DLX1: variants seen among roughly 807,000 people sequenced by gnomAD.
The protein encoded by DLX1 is homeobox protein DLX-1.
A neutral mutation model predicts 25.0 loss-of-function variants in DLX1; 7 were observed. The observed-to-expected ratio is 0.28, with a 90% CI of 0.16 to 0.52. The LOEUF (loss-of-function observed/expected upper bound fraction) is 0.52. DLX1 is among the 20% of genes least tolerant of loss of function. The probability of loss-of-function intolerance (pLI) is 0.96; values close to 1 mark genes in which losing one functional copy is unlikely to be tolerated. For missense variants in DLX1, 233 were observed against 334.4 expected (o/e 0.70, Z 2.37); for synonymous variants, 155 against 140.3 (o/e 1.10, Z -0.74).
In DLX1 at chr2:172,087,872, G is replaced by T. The variant is rs992000685; in HGVS notation, c.514-131G>T. ...AAGGAGGGATGTCTCTGCTTCTCTG[G>T]CAGGGAGCTGCCAGCTGGCGCAGGG... On this transcript the variant is annotated intron_variant, in intron 2 of 2. Coordinates refer to ENST00000361725, the MANE Select transcript of DLX1 (RefSeq NM_178120.5). 8 of 1,308,832 alleles carry T rather than the reference G, an allele frequency of 6.1e-6. No homozygotes were observed. In the African/African-American group the frequency reaches 1.2e-4, roughly 19 times the overall value. The allele number at this position is 1,308,832 out of a possible 1,614,324, so 81.1% of individuals were successfully genotyped here.
chr2:172,088,128 G>A lies in DLX1; in HGVS notation c.639G>A (p.Pro213=). 1 of 1,609,010 alleles carries A rather than the reference G, an allele frequency of 6.2e-7. No homozygotes were observed. ...RALSAGSPPV[P]PGWNPNSSSG... ...TGTCTGCTGGCTCCCCACCCGTGCC[G>A]CCCGGCTGGAACCCTAACTCTTCAT... The change falls in exon 3 of 3, where the codon CCG becomes CCA. Residue 213 remains proline, a synonymous_variant. Transcript: ENST00000361725.
intron 1 of DLX1, chr2:172,086,437 CA>C (rs1270333865): frequency 2.0e-6 from 1 of 500,220 alleles, no homozygotes; most frequent in Admixed American, 3.8e-5. Flanking sequence ...CCTGCAAAGG[CA>C]GGAGCTGAGC....
intron 1 of DLX1, 115 bp from the exon 2 acceptor site, chr2:172,086,539 C>G: frequency 3.8e-6 from 4 of 1,041,242 alleles, no homozygotes; most frequent in Non-Finnish European, 5.5e-6. Context: ...GTTTCTTGAA[C>G]GTTCTCTCCC....
chr2:172,086,890 C>T, intron 2 of DLX1, 37 bp downstream of exon 2: 1 of 1,610,670 alleles, frequency 6.2e-7, no homozygotes, highest in Non-Finnish European at 8.5e-7. Flanking sequence ...GCCACGCAGG[C>T]TTTCCGCGGC....
In DLX1 at chr2:172,088,418, T is replaced by G; in HGVS notation, c.*161T>G. ...GCCCCGCGAGGTCCGGCCCAGCAAC[T>G]TCCCGGCATCCGCGCTCTAGCCTGA... On this transcript the variant is annotated 3_prime_UTR_variant, in exon 3 of 3. Transcript: ENST00000361725. The G allele has an allele frequency of 1.1e-6, 1 of 939,404 alleles. No homozygotes were observed. The highest frequency in any genetic ancestry group is 4.0e-5 in the Admixed American group (1 of 24,996). The allele number at this position is 939,404 out of a possible 1,614,324, so 58.2% of individuals were successfully genotyped here.
At position 172,088,232 on chromosome 2, in the gene DLX1, C is replaced by T; in HGVS notation, c.743C>T (p.Ala248Val). The T allele has an allele frequency of 6.5e-7, 1 of 1,541,992 alleles. No homozygotes were observed. Residue 248 changes from alanine (A) to valine (V), a missense_variant, in exon 3 of 3, where the codon GCT becomes GTT. By Grantham distance (64) the Ala-to-Val change is moderately conservative. Coordinates refer to ENST00000361725, the MANE Select transcript of DLX1 (RefSeq NM_178120.5). ...TGGTACCCTTCAGCGCACCAAGAAG[C>T]TATGCAGCAACCCCAACTTATGTGA... ...TSWYPSAHQEAMQQPQLM is the reference protein window; with the variant it reads ...TSWYPSAHQEVMQQPQLM
Position 172,088,498 on chromosome 2 carries a change from T to A in DLX1, c.*241T>A. The A allele has an allele frequency of 2.4e-6, 1 of 424,004 alleles. No homozygotes were observed. The highest frequency in any genetic ancestry group is 4.0e-6 in the Non-Finnish European group (1 of 250,840). The allele number at this position is 424,004 out of a possible 1,614,324, so 26.3% of individuals were successfully genotyped here. ...GAGAGTGGCCTCGGAGGGAAGCCAC[T>A]GCCACCTGAGACAGCCCAAGCAGCA... is the stretch of plus-strand genomic sequence containing the variant. On this transcript the variant is annotated 3_prime_UTR_variant, in exon 3 of 3. Coordinates refer to ENST00000361725, the MANE Select transcript of DLX1 (RefSeq NM_178120.5).
At position 172,085,748 on chromosome 2, in the gene DLX1, G is replaced by A; in HGVS notation, c.71G>A (p.Gly24Glu). Residue 24 changes from glycine to glutamate, a missense_variant, in exon 1 of 3, where the codon GGG becomes GAG. By Grantham distance (98) the Gly-to-Glu change is moderately conservative. Around this residue, in one of 3 missense-constraint regions of DLX1, gnomAD observed 126 missense variants for 170.4 expected, o/e 0.74. Coordinates refer to ENST00000361725, the MANE Select transcript of DLX1 (RefSeq NM_178120.5). This position sits in a 1 kb window ranked among gnomAD's most constrained non-coding sequence, Gnocchi z 4.3. ...GGCAAGGCGGTGTTTATGGAGTTTG[G>A]GCCGCCCAACCAGCAAATGTCTCCT... ...VSGKAVFMEF[G>E]PPNQQMSPSP... The A allele has an allele frequency of 6.2e-7, 1 of 1,614,120 alleles. No individual in the cohort carries two copies. The highest frequency in any genetic ancestry group is 8.5e-7 in the Non-Finnish European group (1 of 1,180,038).
chr2:172,088,005 C>G lies in DLX1; in HGVS notation c.516C>G (p.Val172=). 1 of 1,512,470 alleles carries G rather than the reference C, an allele frequency of 6.6e-7. No individual in the cohort carries two copies. Among genetic ancestry groups the G allele is most frequent in the Non-Finnish European group, 8.8e-7 (1 of 1,130,648 alleles). 93.7% of individuals were successfully genotyped at this position (1,512,470 alleles called of 1,614,324 possible). Residue 172 remains valine, a splice_region_variant and synonymous_variant, in exon 3 of 3, where the codon GTC becomes GTG. Transcript: ENST00000361725. ...CACGTTGTTGTCCGCTCTTGCAGGT[C>G]AAGATCTGGTTCCAAAACAAGCGAT... is the stretch of plus-strand genomic sequence containing the variant. ...AASLGLTQTQ[V]KIWFQNKRSK... is the part of the protein sequence containing the mutation.
chr2:172,086,898 G>C, intron 2 of DLX1, 45 bp downstream of exon 2: 2 of 1,604,140 alleles, frequency 1.2e-6, no homozygotes, highest in African/African-American at 1.3e-5. Flanking sequence ...GGCTTTCCGC[G>C]GCCGGCCTGC....
intron 1 of DLX1, chr2:172,086,406 C>T (rs1690839806): frequency 2.0e-6 from 1 of 488,928 alleles, no homozygotes; most frequent in Admixed American, 3.8e-5. Flanking sequence ...CAACTACCGC[C>T]TGCAAAAATA....
chr2:172,086,999 CTCCT>C (rs1163802390), intron 2 of DLX1, 146 bp downstream of exon 2: 1 of 838,550 alleles, frequency 1.2e-6, no homozygotes, highest in Non-Finnish European at 2.0e-6. Context: ...CTCAGCGTGT[CTCCT>C]TCCTCCCTCA....
rs777633658 is a variant in DLX1 at position 172,086,658 on chromosome 2, G to A, written c.318G>A (p.Ala106=). Reference sequence around the variant, plus strand: ...CTACTTCTGCTGTCCCTCCAGGGGCGGACTCGGAGAAGAGCACGGTGGTGG... The same window carrying A: ...CTACTTCTGCTGTCCCTCCAGGGGCAGACTCGGAGAAGAGCACGGTGGTGG... The part of the protein sequence containing the change: ...LAQSRLEDPG[A]DSEKSTVVEG... The change falls in exon 2 of 3, where the codon GCG becomes GCA. Residue 106 remains alanine, a synonymous_variant. Transcript: ENST00000361725. 5.2e-6 allele frequency: 8 copies of A among 1,530,198 alleles called. No individual in the cohort carries two copies. The highest frequency in any genetic ancestry group is 1.8e-4 in the Middle Eastern group (1 of 5,636). The allele number at this position is 1,530,198 out of a possible 1,614,324, so 94.8% of individuals were successfully genotyped here.
At chr2:172,087,032 T>A in intron 2 of DLX1, 179 bp downstream of exon 2, 1 of 746,228 alleles carries the variant, frequency 1.3e-6, no homozygotes, top group Non-Finnish European at 2.4e-6. Flanking sequence ...GCCCTAGCTC[T>A]GTCACTGCTC....
chr2:172,086,588 T>C, intron 1 of DLX1, 66 bp from the exon 2 acceptor site: 2 of 1,452,532 alleles, frequency 1.4e-6, no homozygotes, highest in Admixed American at 2.3e-5. Flanking sequence ...CCACTCGCTC[T>C]CGGCTGTTCG....
At chr2:172,087,570 T>G in intron 2 of DLX1, 1 of 465,900 alleles carries the variant, frequency 2.1e-6, no homozygotes, top group Non-Finnish European at 4.3e-6. Context: ...CATAGAAAAG[T>G]TGGGTCGCGT....
In DLX1 at chr2:172,085,660, C is replaced by T; in HGVS notation, c.-18C>T. On this transcript the variant is annotated 5_prime_UTR_variant, in exon 1 of 3. Transcript: ENST00000361725. This position sits in a 1 kb window ranked among gnomAD's most constrained non-coding sequence, Gnocchi z 4.3. ...AGCAGAGGAGAGAAAGTCCCACACCCAGACCCCGCGAGAAGAGATGACCAT... is the reference window on the plus strand; with the variant it reads ...AGCAGAGGAGAGAAAGTCCCACACCTAGACCCCGCGAGAAGAGATGACCAT... 6.2e-7 allele frequency: 1 copy of T among 1,605,376 alleles called. No homozygotes were observed. The highest frequency in any genetic ancestry group is 8.5e-7 in the Non-Finnish European group (1 of 1,175,556).
rs1205493901 is a variant in DLX1 at position 172,086,870 on chromosome 2, G to T, written c.513+17G>T. The T allele has an allele frequency of 1.2e-6, 2 of 1,613,894 alleles. No homozygotes were observed. Among genetic ancestry groups the T allele is most frequent in the Non-Finnish European group, 8.5e-7 (1 of 1,179,794 alleles). ...CAGACTCAGGTACCTCGCCGCTGCCGCTCCGTTCTGCCACGCAGGCTTTCC... is the reference window on the plus strand; with the variant it reads ...CAGACTCAGGTACCTCGCCGCTGCCTCTCCGTTCTGCCACGCAGGCTTTCC... On this transcript the variant is annotated intron_variant, in intron 2 of 2. Transcript: ENST00000361725.
intron 2 of DLX1, chr2:172,087,285 G>A (rs1690862229): frequency 2.7e-6 from 1 of 377,254 alleles, no homozygotes; most frequent in South Asian, 2.0e-5. Flanking sequence ...TGGGGGTGGG[G>A]GGAGATCCTT....
Sources: allele counts gnomAD v4.1 joint callset, GRCh38; gene constraint gnomAD v4.1.1; regional missense constraint gnomAD v4.1.1; non-coding constraint Gnocchi (gnomAD v3.1); transcripts MANE v1.5; gene names NCBI Gene and HGNC (gene_info 2026-07-23, HGNC 2026-07-21).